Variants in OPCML observed in about 807,000 individuals in gnomAD.
The protein encoded by OPCML is opioid binding protein/cell adhesion molecule like, also known as opioid-binding protein/cell adhesion molecule.
OPCML carries 13 observed loss-of-function variants against 37.8 expected under a neutral mutation model. The observed-to-expected ratio is 0.34, with a 90% confidence interval of 0.22 to 0.55. OPCML has a LOEUF of 0.55. Among genes scored for constraint, OPCML ranks in the 20% least tolerant of loss-of-function variants. The pLI is 0.91. For missense variants in OPCML, 341 were observed against 435.6 expected (o/e 0.78, Z 1.93); for synonymous variants, 176 against 168.8 (o/e 1.04, Z -0.33).
At chr11:133,055,529 A>C (rs1222208563) in intron 1 of OPCML, among the ~76,000 whole-genome samples, 2,292 of 79,642 alleles carry the variant, frequency 0.029, no homozygotes, top group Admixed American at 0.041. Flanking sequence ...CATGAGGGAG[A>C]CGCCTCTACC....
chr11:133,416,344 A>C (rs2136881593), intron 1 of OPCML, among the ~76,000 whole-genome samples: 1 of 152,302 alleles, frequency 6.6e-6, no homozygotes, highest in African/African-American at 2.4e-5. Flanking sequence ...TTGCAGAAAT[A>C]AAGATGTCTG....
At chr11:133,527,098 G>T (rs1229751709) in intron 1 of OPCML, among the ~76,000 whole-genome samples, 2 of 152,248 alleles carry the variant, frequency 1.3e-5, no homozygotes, top group Non-Finnish European at 2.9e-5. Flanking sequence ...AAACAGGGCT[G>T]CAGGCTGATG....
At chr11:132,456,277 GA>G (rs1052681320) in intron 4 of OPCML, among the ~76,000 whole-genome samples, 2 of 152,132 alleles carry the variant, frequency 1.3e-5, no homozygotes, top group Non-Finnish European at 2.9e-5. Context: ...ACATAACAAT[GA>G]AAAATTGAAC....
At chr11:132,699,503 T>C (rs1943727829) in intron 2 of OPCML, among the ~76,000 whole-genome samples, 1 of 152,108 alleles carries the variant, frequency 6.6e-6, no homozygotes, top group African/African-American at 2.4e-5. Flanking sequence ...ATGGACTTTA[T>C]AATATTGAGG....
chr11:132,907,838 G>A (rs1269707655), intron 2 of OPCML, among the ~76,000 whole-genome samples: 2 of 152,070 alleles, frequency 1.3e-5, no homozygotes, highest in African/African-American at 2.4e-5. Flanking sequence ...AGTTTACACG[G>A]TTTCCTTCCC....
At chr11:132,492,675 G>A (rs533558397) in intron 4 of OPCML, among the ~76,000 whole-genome samples, 4 of 152,208 alleles carry the variant, frequency 2.6e-5, no homozygotes, top group African/African-American at 9.6e-5. Flanking sequence ...CTGTGACTCA[G>A]GAATTCAGAG....
chr11:132,704,418 T>C (rs1943952166), intron 2 of OPCML, among the ~76,000 whole-genome samples: 1 of 152,168 alleles, frequency 6.6e-6, no homozygotes, highest in Non-Finnish European at 1.5e-5. Flanking sequence ...TAAAGAAGTT[T>C]AAAGCCAGTA....
chr11:133,007,304 A>C, intron 1 of OPCML: 1 of 985,478 alleles, frequency 1.0e-6, no homozygotes, highest in Non-Finnish European at 1.2e-6. Flanking sequence ...ATACAGCTCC[A>C]TCTATAAATG....
rs556358023 is a variant in OPCML, at chr11:132,443,447, C to A, written c.506-6088G>T. The stretch of plus-strand genomic sequence containing the variant: ...GAAAAGGAGTTTCCCTGCTGCCCAG[C>A]AAGAGAGACTATTACAGACGATCCT... On this transcript the variant is annotated intron_variant, in intron 4 of 7. Coordinates refer to ENST00000524381, the MANE Select transcript of OPCML (RefSeq NM_001012393.5). Among the ~76,000 whole-genome samples, 11 of 152,282 alleles carry A rather than the reference C, an allele frequency of 7.2e-5. No homozygotes were observed. The East Asian group carries it at 1.9e-3, about 27-fold the overall frequency.
At chr11:132,438,923 C>G (rs919382993) in intron 4 of OPCML, among the ~76,000 whole-genome samples, 1 of 152,092 alleles carries the variant, frequency 6.6e-6, no homozygotes, top group Non-Finnish European at 1.5e-5. Context: ...GTCTTCCCTG[C>G]CTCCATGTCC....
chr11:133,051,288 T>C (rs1421895802), intron 1 of OPCML, among the ~76,000 whole-genome samples: 1 of 152,190 alleles, frequency 6.6e-6, no homozygotes, highest in Non-Finnish European at 1.5e-5. Flanking sequence ...GAAGTAGTAC[T>C]ATTTTATTAC....
In OPCML at chr11:133,372,842, T is replaced by A. The variant is rs115683899; in HGVS notation, c.61+159422A>T. Among the ~76,000 whole-genome samples the A allele has an allele frequency of 4.5e-3, 678 of 152,316 alleles. 3 individuals carry two copies. The highest frequency in any genetic ancestry group is 0.015 in the African/African-American group (612 of 41,552). On this transcript the variant is annotated intron_variant, in intron 1 of 7. Coordinates refer to ENST00000524381, the MANE Select transcript of OPCML (RefSeq NM_001012393.5). ...AAATATTGCCATTCTCAGGTATCTC[T>A]TGCTTCCTCTTCCAATTTAAATAAT...
chr11:132,887,645 AT>A (rs1212150304), intron 2 of OPCML, among the ~76,000 whole-genome samples: 1 of 152,220 alleles, frequency 6.6e-6, no homozygotes, highest in Admixed American at 6.5e-5. Context: ...GGGTACTAAA[AT>A]TTCATTTTAT....
chr11:133,019,533 A>G (rs991349117), intron 1 of OPCML, among the ~76,000 whole-genome samples: 5 of 152,212 alleles, frequency 3.3e-5, no homozygotes, highest in African/African-American at 4.8e-5. Flanking sequence ...TGTCCATTTC[A>G]GCCTATTCTT....
intron 1 of OPCML, among the ~76,000 whole-genome samples, chr11:133,227,085 G>T (rs773548821): frequency 1.3e-5 from 2 of 152,146 alleles, no homozygotes; most frequent in Admixed American, 6.5e-5. Context: ...GTGTTAGGGG[G>T]GGGTGCTGTC....
intron 4 of OPCML, among the ~76,000 whole-genome samples, chr11:132,514,797 G>A (rs1429237786): frequency 6.6e-6 from 1 of 152,048 alleles, no homozygotes; most frequent in Non-Finnish European, 1.5e-5. Context: ...GAGAGAAAGA[G>A]GAGTGGGTAG....
At chr11:132,675,181 GTA>G (rs10602904) in intron 2 of OPCML, among the ~76,000 whole-genome samples, 71,311 of 142,978 alleles carry the variant, frequency 0.5, 17,791 homozygotes, top group Middle Eastern at 0.56. Flanking sequence ...GTGTGTGTGT[GTA>G]TATATATATA....
chr11:132,630,068 T>C (rs1591645219), intron 3 of OPCML, among the ~76,000 whole-genome samples: 1 of 152,186 alleles, frequency 6.6e-6, no homozygotes, highest in South Asian at 2.1e-4. Context: ...CTGTTAACAA[T>C]TGTTGGTGAG....
At chr11:133,305,927 C>G (rs776243162) in intron 1 of OPCML, among the ~76,000 whole-genome samples, 1 of 152,196 alleles carries the variant, frequency 6.6e-6, no homozygotes, top group African/African-American at 2.4e-5. Flanking sequence ...ATTGGTAAAT[C>G]TGGCTTATTT....
Sources: gnomAD v4.1 joint callset for allele counts (sites outside exome capture counted in the v4.1 genomes callset) on GRCh38, gnomAD v4.1.1 for gene constraint, MANE v1.5 for transcripts, NCBI Gene and HGNC (gene_info 2026-07-23, HGNC 2026-07-21) for gene names.